Variants in SAMMSON observed in about 807,000 individuals in gnomAD.
SAMMSON encodes survival associated mitochondrial melanoma specific oncogenic non-coding RNA.
At chr3:70,161,721 C>T (rs181029018) in intron 4 of SAMMSON, among the ~76,000 whole-genome samples, 2 of 151,866 alleles carry the variant, frequency 1.3e-5, no homozygotes, top group East Asian at 3.9e-4. Flanking sequence ...CTTTTATTTT[C>T]AGGGGAATTT....
intron 4 of SAMMSON, among the ~76,000 whole-genome samples, chr3:70,118,047 A>G (rs754543825): frequency 6.0e-4 from 92 of 152,132 alleles, no homozygotes; most frequent in Non-Finnish European, 1.2e-3. Context: ...CCTCGCAAGT[A>G]GCTGGGATTA....
intron 4 of SAMMSON, among the ~76,000 whole-genome samples, chr3:70,221,202 A>T (rs1171981917): frequency 6.6e-6 from 1 of 152,176 alleles, no homozygotes; most frequent in Non-Finnish European, 1.5e-5. Flanking sequence ...ATACCCATTC[A>T]TCCATTCATT....
chr3:70,251,989 G>A (rs1319678626), intron 6 of SAMMSON, among the ~76,000 whole-genome samples: 1 of 152,146 alleles, frequency 6.6e-6, no homozygotes, highest in African/African-American at 2.4e-5. Flanking sequence ...CACGTGTTAA[G>A]GAACTAAAAT....
chr3:70,302,315 C>T (rs1044858133), intron 7 of SAMMSON, among the ~76,000 whole-genome samples: 1 of 151,780 alleles, frequency 6.6e-6, no homozygotes, highest in Non-Finnish European at 1.5e-5. Flanking sequence ...ATTTTATTAG[C>T]GAGTATATTC....
At chr3:70,303,755 C>T (rs748265368) in intron 7 of SAMMSON, among the ~76,000 whole-genome samples, 10 of 152,106 alleles carry the variant, frequency 6.6e-5, no homozygotes, top group Non-Finnish European at 1.2e-4. Context: ...GATCCTGGCT[C>T]ACTGCAACCT....
chr3:70,075,056 G>A (rs1471403342), intron 4 of SAMMSON: 2 of 151,996 alleles, frequency 1.3e-5, no homozygotes, highest in African/African-American at 4.8e-5. Flanking sequence ...ACTCCTCAGT[G>A]AGTTCTTGAG....
rs1276126848 is a variant in SAMMSON, at chr3:70,283,409, T to C, written n.675-7770T>C. On this transcript the variant is annotated intron_variant and non_coding_transcript_variant, in intron 6 of 9. Coordinates refer to ENST00000642114, the Ensembl canonical transcript of SAMMSON. ...GGTTATTGTTCAGGCTGACGAATAC[T>C]GAAATTCTCCCTGGATACTGTAGAA... Among the ~76,000 whole-genome samples the C allele has an allele frequency of 2.0e-5, 3 of 152,218 alleles. No homozygotes were observed. In the South Asian group the frequency reaches 6.2e-4, roughly 32 times the overall value.
chr3:70,229,103 T>G (rs969676524), intron 4 of SAMMSON, among the ~76,000 whole-genome samples: 1 of 152,208 alleles, frequency 6.6e-6, no homozygotes, highest in African/African-American at 2.4e-5. Flanking sequence ...TGAGGAAGAA[T>G]AGAAAGGATG....
At chr3:70,090,623 A>G (rs1433310795) in intron 4 of SAMMSON, among the ~76,000 whole-genome samples, 1 of 152,110 alleles carries the variant, frequency 6.6e-6, no homozygotes, top group African/African-American at 2.4e-5. Context: ...TGATATTTCC[A>G]AGTTTTTTTT....
At chr3:70,337,563 T>C (rs996191589) in intron 7 of SAMMSON, among the ~76,000 whole-genome samples, 2 of 152,022 alleles carry the variant, frequency 1.3e-5, no homozygotes, top group Non-Finnish European at 2.9e-5. Flanking sequence ...ATGAGAATGA[T>C]AGATATTTTG....
At chr3:70,326,588 T>C (rs565618471) in intron 7 of SAMMSON, among the ~76,000 whole-genome samples, 22 of 152,264 alleles carry the variant, frequency 1.4e-4, no homozygotes, top group Admixed American at 5.9e-4. Context: ...TGGCCATCTC[T>C]TATATTCTGA....
chr3:70,118,792 A>T (rs1243881834), intron 4 of SAMMSON, among the ~76,000 whole-genome samples: 2 of 152,152 alleles, frequency 1.3e-5, no homozygotes, highest in Non-Finnish European at 2.9e-5. Context: ...TTTACAGGTG[A>T]AGAAACTGAG....
In SAMMSON at chr3:70,180,031, C is replaced by T. The variant is rs181636178; in HGVS notation, n.508-69076C>T. Reference sequence around the variant, plus strand: ...GTGTGTGTGTGTGTGTGTGTGTGCGCGCACGTGTGTGTGAAGAAAAAAATG... The same window carrying T: ...GTGTGTGTGTGTGTGTGTGTGTGCGTGCACGTGTGTGTGAAGAAAAAAATG... On this transcript the variant is annotated intron_variant and non_coding_transcript_variant, in intron 4 of 9. Transcript: ENST00000642114. 2.9e-4 allele frequency among the ~76,000 whole-genome samples: 43 copies of T among 149,982 alleles called. 1 individual carries two copies. Among genetic ancestry groups the T allele is most frequent in the Admixed American group, 2.3e-3 (34 of 14,996 alleles).
chr3:70,354,217 C>A (rs1280354062), exon 8 of SAMMSON: 1 of 152,126 alleles, frequency 6.6e-6, no homozygotes, highest in Non-Finnish European at 1.5e-5. Flanking sequence ...ATTAAAAGTA[C>A]CCTTCTCTAT....
At chr3:70,366,887 T>C (rs1173213480) in intron 9 of SAMMSON, among the ~76,000 whole-genome samples, 2 of 151,692 alleles carry the variant, frequency 1.3e-5, no homozygotes. Context: ...TGTGTAGTGT[T>C]TCTTTTCATT....
At chr3:70,036,174 G>A (rs573877414) in intron 3 of SAMMSON, among the ~76,000 whole-genome samples, 6 of 152,206 alleles carry the variant, frequency 3.9e-5, no homozygotes, top group African/African-American at 1.2e-4. Context: ...AAGGGAGAGA[G>A]GCCAATAGTC....
intron 9 of SAMMSON, among the ~76,000 whole-genome samples, chr3:70,360,152 G>A (rs1702860941): frequency 6.6e-6 from 1 of 151,968 alleles, no homozygotes; most frequent in African/African-American, 2.4e-5. Context: ...GGAGGGAGGG[G>A]GAAGATAAAG....
Position 70,375,557 on chromosome 3 carries a change from G to C in SAMMSON, n.914-14017G>C, listed in dbSNP as rs79762648. On this transcript the variant is annotated intron_variant and non_coding_transcript_variant, in intron 9 of 9. Transcript: ENST00000642114. The stretch of plus-strand genomic sequence containing the variant: ...GGTAAGGGCCAGGGCAGTTCTCCAG[G>C]TTCATGACCTGAAAGCTCTCTCCTC... Among the ~76,000 whole-genome samples, 192 of 152,102 alleles carry C rather than the reference G, an allele frequency of 1.3e-3. No homozygotes were observed. The East Asian group carries it at 0.032, about 25-fold the overall frequency.
At chr3:70,025,693 CT>C (rs2067034749) in intron 3 of SAMMSON, among the ~76,000 whole-genome samples, 1 of 152,196 alleles carries the variant, frequency 6.6e-6, no homozygotes, top group African/African-American at 2.4e-5. Context: ...CTGAGTATAA[CT>C]TTTGACTCAC....
Sources: allele counts gnomAD v4.1 joint callset (sites outside exome capture counted in the v4.1 genomes callset), GRCh38; gene constraint gnomAD v4.1.1; transcripts MANE v1.5; gene names NCBI Gene and HGNC (gene_info 2026-07-23, HGNC 2026-07-21).